The following LSM12 variants were observed in gnomAD, a reference collection of about 807,000 sequenced individuals.
The protein encoded by LSM12 is protein LSM12.
For synonymous variants in LSM12, 74 were observed against 87.3 expected, an observed-to-expected ratio of 0.85 and a Z score of 0.85; for missense variants, 108 against 238.9, an observed-to-expected ratio of 0.45 and a Z score of 3.61.
At chr17:44,048,021 ACACAC>A (rs1207854264) in intron 2 of LSM12, among the ~76,000 whole-genome samples, 2 of 7,650 alleles carry the variant, frequency 2.6e-4, no homozygotes, top group Non-Finnish European at 4.3e-4. Context: ...CGTATTAAAC[ACACAC>A]ACACACACAC....
chr17:44,038,569 C>T (rs1037430031), intron 3 of LSM12, among the ~76,000 whole-genome samples: 1 of 152,066 alleles, frequency 6.6e-6, no homozygotes, highest in Non-Finnish European at 1.5e-5. Context: ...GCAGGAGAAT[C>T]GCTTGAACCT....
intron 2 of LSM12, among the ~76,000 whole-genome samples, chr17:44,046,239 T>C (rs1327245688): frequency 1.3e-5 from 2 of 151,860 alleles, no homozygotes; most frequent in African/African-American, 4.8e-5. Flanking sequence ...CCAGCCAACG[T>C]TTTACTTTTT....
At chr17:44,044,988 C>A (rs748466964) in intron 2 of LSM12, among the ~76,000 whole-genome samples, 5 of 152,084 alleles carry the variant, frequency 3.3e-5, no homozygotes, top group Admixed American at 6.6e-5. Flanking sequence ...GTAGAATGTG[C>A]CTTTTAGGCT....
chr17:44,050,865 T>C (rs1403049592), intron 2 of LSM12, among the ~76,000 whole-genome samples: 3 of 152,200 alleles, frequency 2.0e-5, no homozygotes, highest in African/African-American at 7.2e-5. Context: ...ACAGGCATGG[T>C]AGCTCACAAC....
At chr17:44,039,760 TGATATA>T (rs1029601438) in intron 3 of LSM12, among the ~76,000 whole-genome samples, 5 of 152,160 alleles carry the variant, frequency 3.3e-5, no homozygotes, top group African/African-American at 1.2e-4. Flanking sequence ...ATGGGAAAAG[TGATATA>T]GATATAACTT....
intron 2 of LSM12, among the ~76,000 whole-genome samples, 183 bp downstream of exon 2, chr17:44,063,618 T>G (rs2049828970): frequency 1.3e-5 from 2 of 152,160 alleles, no homozygotes; most frequent in South Asian, 4.1e-4. Context: ...CTTCTTAAGA[T>G]CTACTGATAA....
chr17:44,043,701 G>A (rs1047268478), intron 2 of LSM12, among the ~76,000 whole-genome samples: 3 of 151,832 alleles, frequency 2.0e-5, no homozygotes, highest in African/African-American at 7.3e-5. Context: ...CAGCGCTGTG[G>A]CTCACGCCTG....
At position 44,043,548 on chromosome 17, in the gene LSM12, C is replaced by CTT. The variant is rs34478151; in HGVS notation, c.259-3294_259-3293dup. Among the ~76,000 whole-genome samples the CTT allele has an allele frequency of 9.5e-3, 1,269 of 134,188 alleles. 22 individuals are homozygous for CTT. Among genetic ancestry groups the CTT allele is most frequent in the African/African-American group, 0.03 (1,112 of 36,586 alleles). The allele number at this position is 134,188 out of a possible 152,430, so 88.0% of individuals were successfully genotyped here. The stretch of plus-strand genomic sequence containing the variant: ...AACCCCGGTAACAAGGAGGAGTTTC[C>CTT]TTTTTTTTTTTTTTTTTGAGATGGA... On this transcript the variant is annotated intron_variant, in intron 2 of 4. Coordinates refer to ENST00000293406, the MANE Select transcript of LSM12 (RefSeq NM_001371445.1).
chr17:44,066,790 G>C (rs940402879), upstream of LSM12: 1 of 548,276 alleles, frequency 1.8e-6, no homozygotes, highest in African/African-American at 2.0e-5. Context: ...TATTTGTATA[G>C]CTGCGTCCGC....
At chr17:44,048,417 G>T (rs541581862) in intron 2 of LSM12, among the ~76,000 whole-genome samples, 2 of 151,154 alleles carry the variant, frequency 1.3e-5, no homozygotes, top group Non-Finnish European at 2.9e-5. Context: ...GGGAGGCGGA[G>T]GTTTCAGTTA....
intron 2 of LSM12, among the ~76,000 whole-genome samples, chr17:44,041,225 C>A (rs2049482821): frequency 6.8e-6 from 1 of 147,640 alleles, no homozygotes; most frequent in Non-Finnish European, 1.5e-5. Context: ...GTGCCGAGAT[C>A]ATGCTACTGT....
chr17:44,064,076 C>T, intron 1 of LSM12, 142 bp from the exon 2 acceptor site: 1 of 889,634 alleles, frequency 1.1e-6, no homozygotes, highest in Non-Finnish European at 1.7e-6. Context: ...AATCACGGTT[C>T]TCCTCAGGAA....
At chr17:44,056,476 G>C (rs1303250056) in intron 2 of LSM12, among the ~76,000 whole-genome samples, 1 of 151,794 alleles carries the variant, frequency 6.6e-6, no homozygotes, top group African/African-American at 2.4e-5. Flanking sequence ...TTTTTAATTA[G>C]CTGGACGTGG....
intron 2 of LSM12, among the ~76,000 whole-genome samples, chr17:44,058,724 T>C (rs2049755117): frequency 6.6e-6 from 1 of 151,678 alleles, no homozygotes; most frequent in Non-Finnish European, 1.5e-5. Context: ...CCCAGCTACT[T>C]AGGAGGCTGA....
In LSM12 at chr17:44,050,679, C is replaced by T. The variant is rs376255957; in HGVS notation, c.259-10423G>A. Reference sequence around the variant, plus strand: ...GGTATTACAGGCACGTGCCACCACACCCAGCTAATTTTTGTATTTTGAGAA... The same window carrying T: ...GGTATTACAGGCACGTGCCACCACATCCAGCTAATTTTTGTATTTTGAGAA... On this transcript the variant is annotated intron_variant, in intron 2 of 4. Transcript: ENST00000293406. Among the ~76,000 whole-genome samples, 6 of 152,186 alleles carry T rather than the reference C, an allele frequency of 3.9e-5. No homozygotes were observed. The East Asian group carries it at 1.2e-3, about 30-fold the overall frequency.
chr17:44,064,859 C>T (rs1032060533), intron 1 of LSM12, among the ~76,000 whole-genome samples: 26 of 152,178 alleles, frequency 1.7e-4, no homozygotes, highest in South Asian at 2.1e-4. Context: ...TCTTAGGCCG[C>T]GCGGTGGCTC....
chr17:44,038,880 C>T (rs971173264), intron 3 of LSM12, among the ~76,000 whole-genome samples: 1 of 152,122 alleles, frequency 6.6e-6, no homozygotes, highest in African/African-American at 2.4e-5. Context: ...ATACTCACAC[C>T]ACAGCCTCAA....
chr17:44,054,826 G>A (rs1025339044), intron 2 of LSM12, among the ~76,000 whole-genome samples: 2 of 150,906 alleles, frequency 1.3e-5, no homozygotes, highest in African/African-American at 2.4e-5. Flanking sequence ...CCTTGGCGAC[G>A]TTTTCTTTTT....
At chr17:44,051,389 C>CAAAAAAAAAAA (rs57974319) in intron 2 of LSM12, among the ~76,000 whole-genome samples, 1 of 114,954 alleles carries the variant, frequency 8.7e-6, no homozygotes, top group Non-Finnish European at 1.7e-5. Context: ...GACTCCGTCT[C>CAAAAAAAAAAA]AAAAAAAAAA....
Sources: allele counts gnomAD v4.1 joint callset (sites outside exome capture counted in the v4.1 genomes callset), GRCh38; gene constraint gnomAD v4.1.1; transcripts MANE v1.5; gene names NCBI Gene and HGNC (gene_info 2026-07-23, HGNC 2026-07-21).